The following USH2A variants were observed in gnomAD, a reference collection of about 807,000 sequenced individuals.
USH2A encodes the protein Usher syndrome 2A (autosomal recessive, mild).
In USH2A, 443 loss-of-function variants were observed where a neutral mutation model predicts 538.9. The observed-to-expected ratio is 0.82, with a 90% CI of 0.76 to 0.89. The LOEUF (loss-of-function observed/expected upper bound fraction) is 0.89, where lower values mean the gene tolerates loss of function less well. Ranked by LOEUF, USH2A falls within the 40% of genes least tolerant of loss-of-function variation. The pLI, the probability that USH2A is intolerant of heterozygous loss-of-function variation, is 0.00. For synonymous variants in USH2A, 2,413 were observed against 2,273.5 expected, an observed-to-expected ratio of 1.06 and a Z score of -1.75; for missense variants, 6,633 against 6,324.8, an observed-to-expected ratio of 1.05 and a Z score of -1.65.
intron 32 of USH2A, among the ~76,000 whole-genome samples, chr1:216,013,444 A>G (rs1668626632): frequency 6.6e-6 from 1 of 151,928 alleles, no homozygotes; most frequent in African/African-American, 2.4e-5. Flanking sequence ...TCTTATTAAT[A>G]TAAGAAGACA....
At chr1:216,223,739 C>T (rs2035505929) in intron 14 of USH2A, among the ~76,000 whole-genome samples, 1 of 152,158 alleles carries the variant, frequency 6.6e-6, no homozygotes, top group South Asian at 2.1e-4. Context: ...ATCTATGAGG[C>T]ACACTCCCTA....
chr1:216,097,459 C>T (rs577075611), intron 21 of USH2A, among the ~76,000 whole-genome samples: 2 of 152,150 alleles, frequency 1.3e-5, no homozygotes, highest in South Asian at 2.1e-4. Context: ...TAAATTTATG[C>T]AAAACTCATC....
intron 9 of USH2A, among the ~76,000 whole-genome samples, chr1:216,316,827 T>C (rs1455676208): frequency 1.3e-5 from 2 of 152,102 alleles, no homozygotes; most frequent in African/African-American, 4.8e-5. Context: ...CCATTAAAAA[T>C]TGGGCAATGA....
rs182526695 is a variant in USH2A, at chr1:215,810,771, G to A, written c.9739+2965C>T. On this transcript the variant is annotated intron_variant, in intron 49 of 71. Transcript: ENST00000307340. ...CAGTATTTGATCCATTGTTGACATCGTGAGCTGTAGTATGAAGAAGTTTAA... is the reference window on the plus strand; with the variant it reads ...CAGTATTTGATCCATTGTTGACATCATGAGCTGTAGTATGAAGAAGTTTAA... 1.4e-3 allele frequency among the ~76,000 whole-genome samples: 212 copies of A among 152,234 alleles called. 1 individual carries two copies. Among genetic ancestry groups the A allele is most frequent in the African/African-American group, 4.9e-3 (203 of 41,536 alleles).
At chr1:216,186,985 G>A (rs2034618252) in intron 20 of USH2A, among the ~76,000 whole-genome samples, 1 of 151,814 alleles carries the variant, frequency 6.6e-6, no homozygotes, top group South Asian at 2.1e-4. Context: ...AATCTATTGT[G>A]TACTCTACCA....
intron 32 of USH2A, among the ~76,000 whole-genome samples, chr1:216,014,216 G>A (rs1668649273): frequency 1.3e-5 from 2 of 152,100 alleles, no homozygotes. Context: ...AGAAGAGGAG[G>A]AGGCATCAGG....
At chr1:216,168,123 C>A (rs564188781) in intron 21 of USH2A, among the ~76,000 whole-genome samples, 1 of 152,222 alleles carries the variant, frequency 6.6e-6, no homozygotes, top group East Asian at 1.9e-4. Flanking sequence ...AATCAAAAAT[C>A]AATCATCTTC....
chr1:215,865,000 A>G (rs1184558836), intron 44 of USH2A, among the ~76,000 whole-genome samples: 1 of 152,186 alleles, frequency 6.6e-6, no homozygotes, highest in South Asian at 2.1e-4. Context: ...TTATAAATTT[A>G]AAACATGATT....
chr1:216,330,690 G>A (rs2037843119), intron 4 of USH2A, among the ~76,000 whole-genome samples: 1 of 152,028 alleles, frequency 6.6e-6, no homozygotes, highest in African/African-American at 2.4e-5. Flanking sequence ...TTGATTTCTG[G>A]TCTGAGTAAA....
chr1:215,940,425 A>G (rs2102505102), intron 37 of USH2A, among the ~76,000 whole-genome samples: 1 of 152,198 alleles, frequency 6.6e-6, no homozygotes, highest in East Asian at 1.9e-4. Context: ...ACATTTATTT[A>G]TTCCTTCTAA....
chr1:216,311,971 T>A (rs1476478758), intron 9 of USH2A, among the ~76,000 whole-genome samples: 1 of 152,158 alleles, frequency 6.6e-6, no homozygotes, highest in Non-Finnish European at 1.5e-5. Context: ...AAATAAAAGT[T>A]ATTTTATTTA....
intron 33 of USH2A, 65 bp from the exon 34 acceptor site, chr1:215,999,123 A>C: frequency 7.3e-7 from 1 of 1,360,704 alleles, no homozygotes; most frequent in Non-Finnish European, 1.0e-6. Context: ...CAGGATTTTC[A>C]AAGGACACAT....
At chr1:216,276,312 G>A (rs1009518307) in intron 11 of USH2A, among the ~76,000 whole-genome samples, 6 of 152,062 alleles carry the variant, frequency 3.9e-5, no homozygotes, top group Admixed American at 3.9e-4. Flanking sequence ...CACATTTTTA[G>A]CAATATGCCA....
intron 13 of USH2A, among the ~76,000 whole-genome samples, chr1:216,245,501 GAGA>G (rs2036021433): frequency 1.3e-5 from 2 of 151,140 alleles, no homozygotes; most frequent in Non-Finnish European, 2.9e-5. Context: ...GAGAGAGAGA[GAGA>G]GAGAGAGAGA....
At chr1:215,996,506 A>T (rs1668141815) in intron 34 of USH2A, among the ~76,000 whole-genome samples, 1 of 145,908 alleles carries the variant, frequency 6.9e-6, no homozygotes, top group South Asian at 2.2e-4. Context: ...ATTAGGAGCT[A>T]TCACATTTTA....
In USH2A at chr1:215,743,079, C is replaced by T. The variant is rs2797223; in HGVS notation, c.11548+98G>A. The T allele has an allele frequency of 0.16, 233,506 of 1,450,904 alleles. 20,020 individuals are homozygous for T. Among genetic ancestry groups the T allele is most frequent in the Non-Finnish European group, 0.17 (182,183 of 1,054,342 alleles). The allele number at this position is 1,450,904 out of a possible 1,614,324, so 89.9% of individuals were successfully genotyped here. The stretch of plus-strand genomic sequence containing the variant: ...TACAAATAAGAAGTGAAACGTTAGT[C>T]TTTATATTTGGACTGAGAATGTATT... On this transcript the variant is annotated intron_variant, in intron 59 of 71. Transcript: ENST00000307340.
chr1:215,860,974 C>G (rs12136240), intron 44 of USH2A, among the ~76,000 whole-genome samples: 14,400 of 152,246 alleles, frequency 0.095, 753 homozygotes, highest in East Asian at 0.19. Flanking sequence ...GCGTCACCAA[C>G]TAAGCAGCTC....
At chr1:215,852,252 G>A (rs1664037827) in intron 44 of USH2A, among the ~76,000 whole-genome samples, 1 of 152,148 alleles carries the variant, frequency 6.6e-6, no homozygotes, top group African/African-American at 2.4e-5. Context: ...CTCACATGGT[G>A]GCAGACAAGA....
chr1:215,842,595 T>A (rs1163669035), intron 46 of USH2A, among the ~76,000 whole-genome samples: 1 of 152,118 alleles, frequency 6.6e-6, no homozygotes, highest in Non-Finnish European at 1.5e-5. Context: ...AAAGAAAATG[T>A]GGTACATGTA....
Sources: gnomAD v4.1 joint callset for allele counts (sites outside exome capture counted in the v4.1 genomes callset) on GRCh38, gnomAD v4.1.1 for gene constraint, MANE v1.5 for transcripts, NCBI Gene and HGNC (gene_info 2026-07-23, HGNC 2026-07-21) for gene names.